The following SAMSN1 variants were observed in gnomAD, a reference collection of about 807,000 sequenced individuals.
SAMSN1 encodes SAM domain-containing protein SAMSN-1.
In SAMSN1, 31 loss-of-function variants were observed where a neutral mutation model predicts 42.0. The observed-to-expected ratio is 0.74, with a 90% confidence interval of 0.55 to 1.00. The LOEUF is 1.00. Among genes scored for constraint, SAMSN1 ranks in the 50% least tolerant of loss-of-function variants. SAMSN1 has a pLI of 0.00. For missense variants in SAMSN1, 464 were observed against 439.4 expected (o/e 1.06, Z -0.50); for synonymous variants, 178 against 151.9 (o/e 1.17, Z -1.26).
At chr21:14,571,123 T>A (rs1406719151) in intron 2 of SAMSN1, among the ~76,000 whole-genome samples, 1 of 152,192 alleles carries the variant, frequency 6.6e-6, no homozygotes, top group East Asian at 1.9e-4. Flanking sequence ...CATGTAACAA[T>A]CATAGCTCTT....
chr21:14,530,899 T>A, intron 1 of SAMSN1, among the ~76,000 whole-genome samples: 1 of 152,206 alleles, frequency 6.6e-6, no homozygotes, highest in Admixed American at 6.5e-5. Context: ...TGACTGAAAT[T>A]TTCAATTTAC....
At chr21:14,564,983 A>G (rs779578447) in intron 2 of SAMSN1, among the ~76,000 whole-genome samples, 1 of 152,104 alleles carries the variant, frequency 6.6e-6, no homozygotes. Flanking sequence ...GGGAGCTTGT[A>G]AAACCAAGAA....
At chr21:14,556,155 TC>T (rs1281441522) in intron 2 of SAMSN1, among the ~76,000 whole-genome samples, 1 of 152,176 alleles carries the variant, frequency 6.6e-6, no homozygotes, top group Non-Finnish European at 1.5e-5. Context: ...TTTTCACTCA[TC>T]AGAAAAATTT....
chr21:14,606,391 A>G (rs1486370666), intron 5 of SAMSN1, among the ~76,000 whole-genome samples: 2 of 151,956 alleles, frequency 1.3e-5, no homozygotes, highest in Admixed American at 1.3e-4. Context: ...TATTCTTTGT[A>G]CTTTCTGGTA....
rs1600858962 is a variant in SAMSN1 at position 14,494,957 on chromosome 21, C to CAAA, written c.919+3484_919+3485insTTT. On this transcript the variant is annotated intron_variant, in intron 7 of 7. Coordinates refer to ENST00000400566, the MANE Select transcript of SAMSN1 (RefSeq NM_022136.5). ...CCTCAAGATATGTGCCCATTTTGCT[C>CAAA]AACTTTTATATTGCATGATTAGCAA... 2.0e-5 allele frequency among the ~76,000 whole-genome samples: 3 copies of CAAA among 152,212 alleles called. No homozygotes were observed. The East Asian group carries it at 5.8e-4, about 29-fold the overall frequency.
exon 2 of SAMSN1, chr21:14,643,039 A>G (rs1416418954): frequency 1.1e-5 from 8 of 717,176 alleles, no homozygotes; most frequent in Non-Finnish European, 2.1e-5. Context: ...ACTCTCTCCA[A>G]AGGGTGGGAT....
At chr21:14,518,826 A>G (rs1199253450) in intron 2 of SAMSN1, among the ~76,000 whole-genome samples, 1 of 152,194 alleles carries the variant, frequency 6.6e-6, no homozygotes, top group East Asian at 1.9e-4. Context: ...AATAAAATTT[A>G]ATTCGGAAGC....
At chr21:14,496,914 A>G (rs1986935096) in intron 7 of SAMSN1, among the ~76,000 whole-genome samples, 1 of 152,226 alleles carries the variant, frequency 6.6e-6, no homozygotes, top group Non-Finnish European at 1.5e-5. Flanking sequence ...CTAGATAAAA[A>G]GCCAGTGTAT....
chr21:14,617,403 C>A (rs1463335042), intron 2 of SAMSN1, among the ~76,000 whole-genome samples: 1 of 152,192 alleles, frequency 6.6e-6, no homozygotes, highest in Admixed American at 6.5e-5. Context: ...CCTTGCCCCA[C>A]AATCAGTAGC....
At chr21:14,658,659 TAAG>T (rs958324334) in intron 1 of SAMSN1, 9 of 697,446 alleles carry the variant, frequency 1.3e-5, no homozygotes, top group African/African-American at 5.3e-5. Flanking sequence ...TATCATCACA[TAAG>T]AAGTTTAGAA....
chr21:14,513,091 C>A (rs1340584760), intron 3 of SAMSN1, among the ~76,000 whole-genome samples: 1 of 152,128 alleles, frequency 6.6e-6, no homozygotes, highest in Non-Finnish European at 1.5e-5. Context: ...AAAAGCTTTA[C>A]AAATCTAATA....
At chr21:14,491,704 C>G (rs2123651333) in intron 7 of SAMSN1, among the ~76,000 whole-genome samples, 1 of 152,284 alleles carries the variant, frequency 6.6e-6, no homozygotes. Flanking sequence ...TCCCATGAAG[C>G]CTCCCTTGTC....
intron 1 of SAMSN1, among the ~76,000 whole-genome samples, chr21:14,544,558 T>C (rs1980263877): frequency 6.6e-6 from 1 of 152,180 alleles, no homozygotes; most frequent in Non-Finnish European, 1.5e-5. Context: ...AATGAAACCA[T>C]CTGTCTAATG....
intron 4 of SAMSN1, chr21:14,612,602 G>A: frequency 3.8e-6 from 2 of 532,230 alleles, no homozygotes; most frequent in Non-Finnish European, 7.5e-6. Flanking sequence ...TACACATGGA[G>A]AGCTGGAAGA....
chr21:14,603,510 A>G (rs1456953058), intron 5 of SAMSN1, among the ~76,000 whole-genome samples: 1 of 152,202 alleles, frequency 6.6e-6, no homozygotes, highest in Non-Finnish European at 1.5e-5. Context: ...AGGAAAGGAA[A>G]AGGTGTAAAT....
intron 5 of SAMSN1, among the ~76,000 whole-genome samples, chr21:14,502,040 C>T (rs1987182603): frequency 6.6e-6 from 1 of 152,186 alleles, no homozygotes. Context: ...CCAGAGAGGA[C>T]TTTACAGATT....
intron 1 of SAMSN1, among the ~76,000 whole-genome samples, chr21:14,656,385 G>T: frequency 6.6e-6 from 1 of 151,702 alleles, no homozygotes; most frequent in East Asian, 1.9e-4. Context: ...AAAGAATAAA[G>T]AATCCAAATA....
intron 6 of SAMSN1, among the ~76,000 whole-genome samples, chr21:14,600,864 T>G (rs369245014): frequency 6.6e-6 from 1 of 152,038 alleles, no homozygotes; most frequent in South Asian, 2.1e-4. Context: ...ATTAAGCCCT[T>G]GAAAGAGTAA....
intron 1 of SAMSN1, among the ~76,000 whole-genome samples, chr21:14,523,641 A>G (rs970278165): frequency 9.2e-5 from 14 of 152,194 alleles, no homozygotes; most frequent in South Asian, 6.2e-4. Flanking sequence ...TATACTTGAA[A>G]CCATTCTATG....
Sources: allele counts gnomAD v4.1 joint callset (sites outside exome capture counted in the v4.1 genomes callset), GRCh38; gene constraint gnomAD v4.1.1; transcripts MANE v1.5; gene names NCBI Gene and HGNC (gene_info 2026-07-23, HGNC 2026-07-21).